MALRD1: variants seen among roughly 807,000 people sequenced by gnomAD.
MALRD1 encodes MAM and LDL-receptor class A domain-containing protein 1.
In MALRD1, 247 loss-of-function variants were observed where a neutral mutation model predicts 242.1. That is an observed-to-expected ratio of 1.02 (90% CI 0.92 to 1.13). The LOEUF (loss-of-function observed/expected upper bound fraction) is 1.13, where lower values mean the gene tolerates loss of function less well. MALRD1 is among the 50% of genes most tolerant of loss of function. The pLI is 0.00. For missense variants in MALRD1, 2,989 were observed against 2,533.1 expected (o/e 1.18, Z -3.86); for synonymous variants, 995 against 866.6 (o/e 1.15, Z -2.60).
intron 38 of MALRD1, among the ~76,000 whole-genome samples, chr10:19,719,428 C>T (rs796117172): frequency 4.6e-5 from 7 of 151,416 alleles, no homozygotes; most frequent in African/African-American, 1.7e-4. Flanking sequence ...CAGTTTTATT[C>T]CTACTAATTG....
At chr10:19,623,456 G>A (rs142995920) in intron 36 of MALRD1, among the ~76,000 whole-genome samples, 158 of 152,228 alleles carry the variant, frequency 1.0e-3, no homozygotes, top group African/African-American at 3.6e-3. Context: ...ATGAGAATTG[G>A]TTCCTGTAGT....
rs1459028697 is a variant in MALRD1, at chr10:19,463,439, T to C, written c.5029+12949T>C. On this transcript the variant is annotated intron_variant, in intron 29 of 39. Transcript: ENST00000454679. Reference sequence around the variant, plus strand: ...TAGCTCCCACTTACGAGTAAGAGCATAGGATGTTTGGTTTCCATTCCCAAG... The same window carrying C: ...TAGCTCCCACTTACGAGTAAGAGCACAGGATGTTTGGTTTCCATTCCCAAG... Among the ~76,000 whole-genome samples, 7 of 152,212 alleles carry C rather than the reference T, an allele frequency of 4.6e-5. No homozygotes were observed. The South Asian group carries it at 8.3e-4, about 18-fold the overall frequency.
chr10:19,616,010 A>C, intron 36 of MALRD1, 87 bp downstream of exon 36: 1 of 950,972 alleles, frequency 1.1e-6, no homozygotes, highest in African/African-American at 1.6e-5. Context: ...TAGAGCATCA[A>C]TCAGTTTGTG....
intron 24 of MALRD1, among the ~76,000 whole-genome samples, chr10:19,342,466 T>G (rs2130962479): frequency 6.6e-6 from 1 of 152,260 alleles, no homozygotes; most frequent in Middle Eastern, 3.4e-3. Context: ...ATTGTGGAGC[T>G]TCTTGTCTAG....
chr10:19,702,758 A>T (rs1414316687), intron 38 of MALRD1, among the ~76,000 whole-genome samples: 2 of 152,020 alleles, frequency 1.3e-5, no homozygotes, highest in East Asian at 1.9e-4. Flanking sequence ...AACGTGGCTC[A>T]CCTTGAAAAT....
intron 38 of MALRD1, among the ~76,000 whole-genome samples, chr10:19,706,565 T>C (rs533948093): frequency 6.6e-6 from 1 of 152,210 alleles, no homozygotes; most frequent in African/African-American, 2.4e-5. Context: ...TGGGCCAGGC[T>C]AGTCTCAAAC....
intron 29 of MALRD1, among the ~76,000 whole-genome samples, chr10:19,482,357 A>G (rs532733440): frequency 9.9e-5 from 15 of 152,212 alleles, no homozygotes; most frequent in African/African-American, 3.1e-4. Context: ...AAATTCATGT[A>G]TTAAAAAGCT....
At chr10:19,187,673 T>C (rs1449569773) in intron 14 of MALRD1, among the ~76,000 whole-genome samples, 3 of 151,506 alleles carry the variant, frequency 2.0e-5, no homozygotes, top group African/African-American at 7.3e-5. Flanking sequence ...GCAACATGGA[T>C]TGAGTTGGAG....
chr10:19,605,300 A>G (rs1838558080), intron 34 of MALRD1, among the ~76,000 whole-genome samples: 2 of 151,470 alleles, frequency 1.3e-5, no homozygotes, highest in South Asian at 2.1e-4. Context: ...CACTACAGGC[A>G]TGAGCCACCA....
intron 28 of MALRD1, among the ~76,000 whole-genome samples, chr10:19,406,382 C>G (rs972224661): frequency 6.6e-6 from 1 of 152,046 alleles, no homozygotes. Flanking sequence ...ATTTAAATGC[C>G]CTTTCACTTA....
At chr10:19,157,294 A>G (rs535625976) in intron 12 of MALRD1, among the ~76,000 whole-genome samples, 1 of 143,114 alleles carries the variant, frequency 7.0e-6, no homozygotes, top group South Asian at 2.2e-4. Context: ...TTTTCCTGAG[A>G]CAGAATCTCA....
intron 38 of MALRD1, among the ~76,000 whole-genome samples, chr10:19,714,745 C>T (rs565891452): frequency 1.3e-5 from 2 of 152,136 alleles, no homozygotes; most frequent in East Asian, 1.9e-4. Flanking sequence ...AAACAGGGAA[C>T]GTGAAGATCA....
intron 36 of MALRD1, among the ~76,000 whole-genome samples, chr10:19,689,475 C>G (rs1210393324): frequency 6.6e-6 from 1 of 152,010 alleles, no homozygotes; most frequent in Non-Finnish European, 1.5e-5. Flanking sequence ...TTTTTCTTCA[C>G]TATAGAAAAA....
chr10:19,603,769 A>T (rs951219495), intron 34 of MALRD1, among the ~76,000 whole-genome samples: 1 of 152,114 alleles, frequency 6.6e-6, no homozygotes, highest in Non-Finnish European at 1.5e-5. Flanking sequence ...AAACTTCTTC[A>T]TGACTATCAT....
intron 19 of MALRD1, among the ~76,000 whole-genome samples, chr10:19,261,851 C>T (rs980347407): frequency 6.7e-6 from 1 of 149,936 alleles, no homozygotes; most frequent in Admixed American, 7.0e-5. Context: ...TTTCCACAGT[C>T]GTCTTTGACT....
At chr10:19,191,568 T>C (rs1835977072) in intron 14 of MALRD1, among the ~76,000 whole-genome samples, 2 of 152,188 alleles carry the variant, frequency 1.3e-5, no homozygotes, top group Admixed American at 1.3e-4. Flanking sequence ...TTATTCACAA[T>C]AGCTAAAACC....
At chr10:19,247,195 T>G (rs1839096664) in intron 18 of MALRD1, among the ~76,000 whole-genome samples, 1 of 152,106 alleles carries the variant, frequency 6.6e-6, no homozygotes, top group Non-Finnish European at 1.5e-5. Context: ...GCCAAAGGGC[T>G]TGTTGGTTGT....
intron 35 of MALRD1, 96 bp downstream of exon 35, chr10:19,607,998 C>A: frequency 7.1e-7 from 1 of 1,415,674 alleles, no homozygotes; most frequent in Non-Finnish European, 9.4e-7. Context: ...TAAACAATGG[C>A]AAGCATGGAA....
At chr10:19,401,046 G>C (rs1445033977) in intron 28 of MALRD1, among the ~76,000 whole-genome samples, 3 of 151,850 alleles carry the variant, frequency 2.0e-5, no homozygotes, top group African/African-American at 7.3e-5. Context: ...AGAAGAAGAA[G>C]AAAGAAAGGA....
Sources: gnomAD v4.1 joint callset for allele counts (sites outside exome capture counted in the v4.1 genomes callset) on GRCh38, gnomAD v4.1.1 for gene constraint, MANE v1.5 for transcripts, NCBI Gene and HGNC (gene_info 2026-07-23, HGNC 2026-07-21) for gene names.